Variants in ROCK1 observed in about 807,000 individuals in gnomAD.
The protein encoded by ROCK1 is Rho associated coiled-coil containing protein kinase 1.
A neutral mutation model predicts 196.8 loss-of-function variants in ROCK1; 36 were observed. The observed-to-expected ratio is 0.18, with a 90% confidence interval of 0.14 to 0.24. The LOEUF (loss-of-function observed/expected upper bound fraction) is 0.24. Among genes scored for constraint, ROCK1 ranks in the 10% least tolerant of loss-of-function variants. ROCK1 has a pLI of 1.00. For missense variants in ROCK1, 920 were observed against 1,562.0 expected, an observed-to-expected ratio of 0.59 and a Z score of 6.93; for synonymous variants, 443 against 515.9, an observed-to-expected ratio of 0.86 and a Z score of 1.91.
intron 1 of ROCK1, among the ~76,000 whole-genome samples, chr18:21,099,196 A>T (rs2036636190): frequency 6.6e-6 from 1 of 152,200 alleles, no homozygotes; most frequent in African/African-American, 2.4e-5. Flanking sequence ...CAGCTGTAAA[A>T]AGGAAGGAGG....
At chr18:21,077,912 T>C (rs975464721) in intron 1 of ROCK1, among the ~76,000 whole-genome samples, 1 of 152,212 alleles carries the variant, frequency 6.6e-6, no homozygotes, top group African/African-American at 2.4e-5. Context: ...ATTAGCTGAA[T>C]ACAAGCTAAA....
rs2143354052 is a variant in ROCK1, at chr18:20,967,090, G to A, written c.3193-14C>T. ...TTCTACCAATTGCTAATTTTGAAAA[G>A]TATCAAGATAATATAATCAAGCTAA... On this transcript the variant is annotated splice_polypyrimidine_tract_variant and intron_variant, in intron 26 of 32. Coordinates refer to ENST00000399799, the MANE Select transcript of ROCK1 (RefSeq NM_005406.3). 3 of 1,571,904 alleles carry A rather than the reference G, an allele frequency of 1.9e-6. No individual in the cohort carries two copies. The highest frequency in any genetic ancestry group is 1.1e-5 in the South Asian group (1 of 87,930).
At position 20,980,791 on chromosome 18, in the gene ROCK1, C is replaced by T. The variant is rs1224866691; in HGVS notation, c.2560-787G>A. On this transcript the variant is annotated intron_variant, in intron 21 of 32. Transcript: ENST00000399799. ...ATTAGCTGGGCGTGGTGGCATGCTA[C>T]TGTAATCCCAGCTACTCAGGAGGCT... Among the ~76,000 whole-genome samples the T allele has an allele frequency of 5.9e-5, 9 of 151,702 alleles. No homozygotes were observed. In the East Asian group the frequency reaches 1.8e-3, roughly 30 times the overall value.
chr18:21,039,612 T>G, intron 8 of ROCK1, 49 bp from the exon 9 acceptor site: 2 of 1,294,960 alleles, frequency 1.5e-6, no homozygotes, highest in Non-Finnish European at 1.1e-6. Context: ...AAGATCTTAT[T>G]ATAACCTGTC....
intron 29 of ROCK1, among the ~76,000 whole-genome samples, chr18:20,958,861 A>AAT (rs1260909234): frequency 1.7e-5 from 2 of 120,818 alleles, no homozygotes; most frequent in South Asian, 2.4e-4. Flanking sequence ...ATAGTTATAA[A>AAT]ATATATATAT....
At chr18:21,091,904 G>A (rs1296949259) in intron 1 of ROCK1, among the ~76,000 whole-genome samples, 3 of 149,602 alleles carry the variant, frequency 2.0e-5, no homozygotes, top group South Asian at 2.1e-4. Flanking sequence ...GGGGGTGGGC[G>A]GTGGGGCAAA....
chr18:21,048,518 T>C (rs1361542035), intron 4 of ROCK1, among the ~76,000 whole-genome samples: 1 of 152,064 alleles, frequency 6.6e-6, no homozygotes, highest in Admixed American at 6.5e-5. Context: ...TTTAAAAATA[T>C]CTAATTTAAA....
At chr18:20,977,470 A>C (rs955947716) in intron 22 of ROCK1, among the ~76,000 whole-genome samples, 4 of 151,544 alleles carry the variant, frequency 2.6e-5, no homozygotes, top group Non-Finnish European at 5.9e-5. Flanking sequence ...ATCGGTTGTG[A>C]TCTCTGTTAG....
intron 1 of ROCK1, among the ~76,000 whole-genome samples, chr18:21,103,850 C>T (rs150850849): frequency 6.6e-6 from 1 of 152,302 alleles, no homozygotes; most frequent in East Asian, 1.9e-4. Flanking sequence ...TACTTCATTA[C>T]ACAGAGATTT....
intron 16 of ROCK1, among the ~76,000 whole-genome samples, chr18:21,004,781 G>GAA (rs2035754511): frequency 6.6e-6 from 1 of 152,190 alleles, no homozygotes; most frequent in African/African-American, 2.4e-5. Context: ...AAAAGGCCTA[G>GAA]GAAAACAATT....
chr18:20,960,213 G>GA lies in ROCK1; in HGVS notation c.3353-8dup, dbSNP rs1568367918. The GA allele has an allele frequency of 1.3e-6, 2 of 1,517,128 alleles. No individual in the cohort carries two copies. Among genetic ancestry groups the GA allele is most frequent in the Non-Finnish European group, 1.8e-6 (2 of 1,092,236 alleles). The allele number at this position is 1,517,128 out of a possible 1,614,324, so 94.0% of individuals were successfully genotyped here. ...CAACCTTCAATTCTTGACTCTAGGA[G>GA]AAAAAGAATATATGTATTAGTCAGT... On this transcript the variant is annotated splice_region_variant and splice_polypyrimidine_tract_variant and intron_variant, in intron 27 of 32. Transcript: ENST00000399799.
chr18:21,079,814 T>C (rs1598555606), intron 1 of ROCK1, among the ~76,000 whole-genome samples: 1 of 152,196 alleles, frequency 6.6e-6, no homozygotes, highest in Non-Finnish European at 1.5e-5. Flanking sequence ...CTCAGTCCAT[T>C]TGCCCTCCTG....
chr18:21,045,453 G>A lies in ROCK1; in HGVS notation c.429C>T (p.Phe143=). ...SPWVVQLFYA[F]QDDRYLYMVM... is the part of the protein sequence containing the mutation. ...CCATGTAGAGATAACGATCATCTTG[G>A]AATGCATAAAAAAGCTATACAAATA... The change falls in exon 5 of 33, where the codon TTC becomes TTT. Residue 143 remains phenylalanine (F), a synonymous_variant. Coordinates refer to ENST00000399799, the MANE Select transcript of ROCK1 (RefSeq NM_005406.3). The A allele has an allele frequency of 3.8e-6, 6 of 1,599,282 alleles. No individual in the cohort carries two copies. Among genetic ancestry groups the A allele is most frequent in the Non-Finnish European group, 5.1e-6 (6 of 1,174,974 alleles).
chr18:20,959,047 AAT>A lies in ROCK1; in HGVS notation c.3512+791_3512+792del, dbSNP rs1334919677. Among the ~76,000 whole-genome samples the A allele has an allele frequency of 7.7e-4, 38 of 49,536 alleles. 2 individuals carry two copies. The highest frequency in any genetic ancestry group is 6.0e-3 in the South Asian group (14 of 2,342). 32.5% of individuals were successfully genotyped at this position (49,536 alleles called of 152,430 possible). Reference sequence around the variant, plus strand: ...AATATATATATTTTATATAATATATAATATATATATTATATTTTATATTATAT... The same window carrying A: ...AATATATATATTTTATATAATATATAATATATATTATATTTTATATTATAT... On this transcript the variant is annotated intron_variant, in intron 29 of 32. Transcript: ENST00000399799.
intron 22 of ROCK1, among the ~76,000 whole-genome samples, chr18:20,973,720 C>G (rs115655945): frequency 0.017 from 2,628 of 152,048 alleles, 73 homozygotes; most frequent in African/African-American, 0.058. Flanking sequence ...CTATTCTCAC[C>G]AAGATAATGA....
At chr18:20,958,897 T>TTA (rs1314346691) in intron 29 of ROCK1, among the ~76,000 whole-genome samples, 105 of 34,924 alleles carry the variant, frequency 3.0e-3, no homozygotes, top group East Asian at 0.018. Flanking sequence ...ATATATTTAT[T>TTA]TATATATATA....
intron 29 of ROCK1, among the ~76,000 whole-genome samples, chr18:20,957,186 CAT>C (rs1266306817): frequency 6.6e-6 from 1 of 152,132 alleles, no homozygotes; most frequent in African/African-American, 2.4e-5. Context: ...GAAATGAAAA[CAT>C]AAGTTAAAAA....
rs1568392237 is a variant in ROCK1 at position 21,042,481 on chromosome 18, A to G, written c.820+84T>C. ...ACAAATAAAATCAAGATTGCTTAAT[A>G]TAATAAATATATTAGAAAGAGCCAA... On this transcript the variant is annotated intron_variant, in intron 7 of 32. Transcript: ENST00000399799. The G allele has an allele frequency of 2.2e-5, 30 of 1,346,154 alleles. 1 individual carries two copies. The South Asian group carries it at 4.4e-4, about 20-fold the overall frequency. The allele number at this position is 1,346,154 out of a possible 1,614,324, so 83.4% of individuals were successfully genotyped here.
At chr18:21,089,008 A>G (rs1165706007) in intron 1 of ROCK1, among the ~76,000 whole-genome samples, 1 of 152,214 alleles carries the variant, frequency 6.6e-6, no homozygotes, top group Non-Finnish European at 1.5e-5. Flanking sequence ...AATTTAAAAA[A>G]AATTCCCATT....
Sources: gnomAD v4.1 joint callset for allele counts (sites outside exome capture counted in the v4.1 genomes callset) on GRCh38, gnomAD v4.1.1 for gene constraint, MANE v1.5 for transcripts, NCBI Gene and HGNC (gene_info 2026-07-23, HGNC 2026-07-21) for gene names.